The following SLC35G2 variants were observed in gnomAD, a reference collection of about 807,000 sequenced individuals.
SLC35G2 encodes the protein solute carrier family 35 member G2.
Under a neutral mutation model 27.2 loss-of-function variants are expected in SLC35G2, and 20 were observed. That is an observed-to-expected ratio of 0.74 (90% CI 0.52 to 1.07). SLC35G2 has a LOEUF of 1.07. SLC35G2 is among the 50% of genes least tolerant of loss of function. The pLI, the probability that SLC35G2 is intolerant of heterozygous loss-of-function variation, is 0.00. For missense variants in SLC35G2, 416 were observed against 493.3 expected (o/e 0.84, Z 1.48); for synonymous variants, 148 against 165.3 (o/e 0.90, Z 0.80).
At chr3:136,842,002 T>C (rs1937119789) in intron 1 of SLC35G2, 1 of 152,158 alleles carries the variant, frequency 6.6e-6, no homozygotes, top group African/African-American at 2.4e-5. Flanking sequence ...TAATACAGGA[T>C]TTAATAAGTT....
intron 1 of SLC35G2, among the ~76,000 whole-genome samples, chr3:136,832,525 A>G (rs114526404): frequency 1.1e-3 from 172 of 152,312 alleles, no homozygotes; most frequent in African/African-American, 4.0e-3. Context: ...GTTGTGTCTG[A>G]TATCTTTTCT....
intron 1 of SLC35G2, among the ~76,000 whole-genome samples, chr3:136,836,156 C>T (rs2108006930): frequency 6.6e-6 from 1 of 152,056 alleles, no homozygotes; most frequent in South Asian, 2.1e-4. Context: ...ACCCCTATAT[C>T]TATTTATATA....
rs774367217 is a variant in SLC35G2 at position 136,836,702 on chromosome 3, G to GGGGATTCTCCAAAATTGGT, written c.-19+17076_-19+17094dup. 1.8e-3 allele frequency among the ~76,000 whole-genome samples: 267 copies of GGGGATTCTCCAAAATTGGT among 152,332 alleles called. 1 individual carries two copies. The highest frequency in any genetic ancestry group is 3.1e-3 in the Non-Finnish European group (209 of 68,028). Reference sequence around the variant, plus strand: ...CTCTACCTGCCAAGAACCACAGCAAGGGGATTCTCCAAAATTGGTGAGGTT... The same window carrying GGGGATTCTCCAAAATTGGT: ...CTCTACCTGCCAAGAACCACAGCAAGGGGATTCTCCAAAATTGGTGGGATTCTCCAAAATTGGTGAGGTT... On this transcript the variant is annotated intron_variant, in intron 1 of 1. Coordinates refer to ENST00000446465, the MANE Select transcript of SLC35G2 (RefSeq NM_025246.3).
At position 136,854,491 on chromosome 3, in the gene SLC35G2, G is replaced by C. The variant is rs753469152; in HGVS notation, c.31G>C (p.Val11Leu). 2 of 1,583,108 alleles carry C rather than the reference G, an allele frequency of 1.3e-6. No individual in the cohort carries two copies. Among genetic ancestry groups the C allele is most frequent in the Admixed American group, 1.8e-5 (1 of 54,064 alleles). Residue 11 changes from valine (V) to leucine (L), a missense_variant, in exon 2 of 2, where the codon GTT becomes CTT. Physicochemically the swap from Val to Leu is conservative, Grantham distance 32. Coordinates refer to ENST00000446465, the MANE Select transcript of SLC35G2 (RefSeq NM_025246.3). ...TACTTCTCCCTCCAGAAAATATCCA[G>C]TTAAAAAACGGGTGAAAATACATCC... The part of the protein sequence containing the change: MDTSPSRKYP[V>L]KKRVKIHPNT...
chr3:136,824,005 AC>A (rs1343855329), intron 1 of SLC35G2, among the ~76,000 whole-genome samples: 22 of 152,102 alleles, frequency 1.4e-4, no homozygotes, highest in African/African-American at 5.3e-4. Flanking sequence ...TGTTCCTGGC[AC>A]CTTTGTGGAA....
At chr3:136,847,913 G>T (rs1057237384) in intron 1 of SLC35G2, among the ~76,000 whole-genome samples, 2 of 152,054 alleles carry the variant, frequency 1.3e-5, no homozygotes, top group Non-Finnish European at 2.9e-5. Context: ...GGAGGCAGAG[G>T]TTGCAGTGAG....
chr3:136,853,394 G>A lies in SLC35G2; in HGVS notation c.-18-1049G>A, dbSNP rs543628347. Among the ~76,000 whole-genome samples the A allele has an allele frequency of 5.8e-5, 7 of 119,676 alleles. No homozygotes were observed. The East Asian group carries it at 1.7e-3, about 29-fold the overall frequency. The allele number at this position is 119,676 out of a possible 152,430, so 78.5% of individuals were successfully genotyped here. A position where few individuals can be genotyped will look rare whatever the true frequency, so the allele number is the denominator to read the frequency against. ...GCTGGGATTACAGGTGTGAGCCACC[G>A]TGCCTACACTGTCATTTTTAATAGA... On this transcript the variant is annotated intron_variant, in intron 1 of 1. Transcript: ENST00000446465.
chr3:136,854,989 A>G lies in SLC35G2; in HGVS notation c.529A>G (p.Ile177Val), dbSNP rs2108046243. ...RLFFYGVCNV[I>V]SITCAYTSFS... is the part of the protein sequence containing the mutation. Reference sequence around the variant, plus strand: ...CTTCTTTTATGGTGTATGCAATGTCATTTCTATCACTTGTGCTTATACATC... The same window carrying G: ...CTTCTTTTATGGTGTATGCAATGTCGTTTCTATCACTTGTGCTTATACATC... The change falls in exon 2 of 2, where the codon ATT becomes GTT. Residue 177 changes from isoleucine to valine, a missense_variant. Physicochemically the swap from Ile to Val is conservative, Grantham distance 29. Coordinates refer to ENST00000446465, the MANE Select transcript of SLC35G2 (RefSeq NM_025246.3). 1 of 1,614,188 alleles carries G rather than the reference A, an allele frequency of 6.2e-7. No homozygotes were observed. The highest frequency in any genetic ancestry group is 8.5e-7 in the Non-Finnish European group (1 of 1,180,038).
rs555444680 is a variant in SLC35G2, at chr3:136,831,913, A to C, written c.-19+12285A>C. ...TCTTTTTTTTTTTTGCCTATTTAAA[A>C]AATTGCATGTAAATCACTCTGCACA... On this transcript the variant is annotated intron_variant, in intron 1 of 1. Transcript: ENST00000446465. 4.6e-5 allele frequency among the ~76,000 whole-genome samples: 7 copies of C among 152,248 alleles called. No homozygotes were observed. In the East Asian group the frequency reaches 1.3e-3, roughly 29 times the overall value.
rs1389904824 is a variant in SLC35G2, at chr3:136,819,441, G to C, written c.-206G>C. The C allele has an allele frequency of 1.1e-4, 17 of 152,326 alleles. No homozygotes were observed. Among genetic ancestry groups the C allele is most frequent in the Admixed American group, 1.1e-3 (17 of 15,294 alleles). The allele number at this position is 152,326 out of a possible 1,614,324, so 9.4% of individuals were successfully genotyped here. A position where few individuals can be genotyped will look rare whatever the true frequency, so the allele number is the denominator to read the frequency against. On this transcript the variant is annotated 5_prime_UTR_variant, in exon 1 of 2. Coordinates refer to ENST00000446465, the MANE Select transcript of SLC35G2 (RefSeq NM_025246.3). ...TGCTCTGCACGACGCCTGAAAGGCC[G>C]CGGGGCCCGCATTTCTCTGTGCTGC... is the stretch of plus-strand genomic sequence containing the variant.
At chr3:136,845,875 T>A (rs1002504270) in intron 1 of SLC35G2, among the ~76,000 whole-genome samples, 1 of 149,344 alleles carries the variant, frequency 6.7e-6, no homozygotes, top group East Asian at 2.0e-4. Context: ...ATGACGGGCG[T>A]GAGCCACCGC....
At chr3:136,826,195 C>G (rs564206269) in intron 1 of SLC35G2, among the ~76,000 whole-genome samples, 1 of 152,144 alleles carries the variant, frequency 6.6e-6, no homozygotes, top group African/African-American at 2.4e-5. Flanking sequence ...CGCCACAATG[C>G]CCGGCTAATT....
intron 1 of SLC35G2, among the ~76,000 whole-genome samples, chr3:136,822,546 C>A (rs1936481422): frequency 6.6e-6 from 1 of 152,216 alleles, no homozygotes; most frequent in Admixed American, 6.5e-5. Flanking sequence ...AACTCCTGAC[C>A]TCAGGTGATC....
chr3:136,855,634 AAACTTTAC>A lies in SLC35G2; in HGVS notation c.1175_1182del (p.Lys392MetfsTer18), dbSNP rs1937980502. 3.1e-6 allele frequency: 5 copies of A among 1,613,490 alleles called. No individual in the cohort carries two copies. The highest frequency in any genetic ancestry group is 4.2e-6 in the Non-Finnish European group (5 of 1,179,598). On this transcript the variant is annotated frameshift_variant, in exon 2 of 2. Coordinates refer to ENST00000446465, the MANE Select transcript of SLC35G2 (RefSeq NM_025246.3). LOFTEE classifies it high-confidence loss of function. Reference sequence around the variant, plus strand: ...TAGTGTTTTTGTCCTTGCTGGCTATAAACTTTACTGGAGGAATTTAAGAAAGCAGGACT... The same window carrying A: ...TAGTGTTTTTGTCCTTGCTGGCTATATGGAGGAATTTAAGAAAGCAGGACT...
At chr3:136,839,732 T>C (rs1044110777) in intron 1 of SLC35G2, among the ~76,000 whole-genome samples, 3 of 152,234 alleles carry the variant, frequency 2.0e-5, no homozygotes, top group Non-Finnish European at 4.4e-5. Flanking sequence ...TGTTGACTTC[T>C]AGAAGCTACT....
At chr3:136,843,872 T>G (rs572453348) in intron 1 of SLC35G2, among the ~76,000 whole-genome samples, 3 of 152,150 alleles carry the variant, frequency 2.0e-5, no homozygotes, top group African/African-American at 7.2e-5. Flanking sequence ...AGGTGGAGGT[T>G]GTGGTGAGCT....
chr3:136,851,137 C>G (rs1937610897), intron 1 of SLC35G2, among the ~76,000 whole-genome samples: 1 of 152,044 alleles, frequency 6.6e-6, no homozygotes, highest in Non-Finnish European at 1.5e-5. Flanking sequence ...GAAAAATACA[C>G]AAGTGGCTAG....
In SLC35G2 at chr3:136,855,294, C is replaced by T. The variant is rs1365364381; in HGVS notation, c.834C>T (p.Ile278=). ...TCTCAATGATAGTATACAGATCCAT[C>T]AAGGAGAAGATCAGCATGTGGACTG... The part of the protein sequence containing the change: ...TALSMIVYRS[I]KEKISMWTAL... Residue 278 remains isoleucine, a synonymous_variant, in exon 2 of 2, where the codon ATC becomes ATT. Transcript: ENST00000446465. 1.2e-6 allele frequency: 2 copies of T among 1,614,070 alleles called. No individual in the cohort carries two copies. The highest frequency in any genetic ancestry group is 1.7e-6 in the Non-Finnish European group (2 of 1,180,026).
At chr3:136,821,248 C>T (rs114140553) in intron 1 of SLC35G2, among the ~76,000 whole-genome samples, 2,656 of 151,872 alleles carry the variant, frequency 0.017, 86 homozygotes, top group African/African-American at 0.061. Flanking sequence ...CTATTGGTTG[C>T]GTTTTTGCTA....
Sources: gnomAD v4.1 joint callset for allele counts (sites outside exome capture counted in the v4.1 genomes callset) on GRCh38, gnomAD v4.1.1 for gene constraint, MANE v1.5 for transcripts, NCBI Gene and HGNC (gene_info 2026-07-23, HGNC 2026-07-21) for gene names.